CLCNKA: variants seen among roughly 807,000 people sequenced by gnomAD.
The protein encoded by CLCNKA is chloride voltage-gated channel Ka.
Under a neutral mutation model 83.3 loss-of-function variants are expected in CLCNKA, and 66 were observed. The ratio of observed to expected loss-of-function variants is 0.79; its 90% CI spans 0.65 to 0.97. The LOEUF (loss-of-function observed/expected upper bound fraction) is 0.97. CLCNKA is among the 50% of genes least tolerant of loss of function. The pLI is 0.00. For missense variants in CLCNKA, 806 were observed against 888.7 expected, an observed-to-expected ratio of 0.91 and a Z score of 1.18; for synonymous variants, 357 against 370.4, an observed-to-expected ratio of 0.96 and a Z score of 0.42.
chr1:16,029,031 G>A, intron 11 of CLCNKA, 95 bp from the exon 12 acceptor site: 1 of 1,555,464 alleles, frequency 6.4e-7, no homozygotes, highest in Non-Finnish European at 8.7e-7. Flanking sequence ...AAGTGGCAGG[G>A]GAGGATTCCA....
At chr1:16,029,042 G>C (rs2124043665) in intron 11 of CLCNKA, 84 bp from the exon 12 acceptor site, 1 of 1,559,676 alleles carries the variant, frequency 6.4e-7, no homozygotes, top group South Asian at 1.1e-5. Context: ...GAGGATTCCA[G>C]GCGGGGTCAG....
In CLCNKA at chr1:16,033,163, C is replaced by A. The variant is rs1207681431; in HGVS notation, c.1930-7C>A. ...CCTCCAGTGTTTCCTAACAATCCCC[C>A]ATCCAGGCACAAAACCTCTTTAAGC... On this transcript the variant is annotated splice_polypyrimidine_tract_variant and splice_region_variant and intron_variant, in intron 18 of 19. Transcript: ENST00000331433. 6.2e-7 allele frequency: 1 copy of A among 1,614,042 alleles called. No individual in the cohort carries two copies. The highest frequency in any genetic ancestry group is 8.5e-7 in the Non-Finnish European group (1 of 1,179,896).
At chr1:16,022,789 C>A in intron 2 of CLCNKA, 70 bp downstream of exon 2, 1 of 1,126,566 alleles carries the variant, frequency 8.9e-7, no homozygotes. Context: ...GGCTCCCACC[C>A]CACCTCTCTG....
At chr1:16,028,713 G>C (rs1385628966) in intron 10 of CLCNKA, 48 bp from the exon 11 acceptor site, 1 of 1,605,072 alleles carries the variant, frequency 6.2e-7, no homozygotes, top group South Asian at 1.1e-5. Context: ...CTCTCCTCGG[G>C]ATGTAGGAAA....
At chr1:16,029,365 G>A in intron 12 of CLCNKA, 66 bp downstream of exon 12, 3 of 1,607,584 alleles carry the variant, frequency 1.9e-6, no homozygotes, top group Non-Finnish European at 2.6e-6. Context: ...GGGCGGGGGT[G>A]CCTCCCTGCA....
At chr1:16,026,468 G>A (rs1202316078) in intron 5 of CLCNKA, 68 bp from the exon 6 acceptor site, 1 of 1,600,644 alleles carries the variant, frequency 6.2e-7, no homozygotes, top group Non-Finnish European at 8.5e-7. Flanking sequence ...GTGTGGTGGG[G>A]AAGCCGTGCT....
chr1:16,029,821 TTC>T lies in CLCNKA; in HGVS notation c.1297+23_1297+24del, dbSNP rs756161038. 16 of 1,613,846 alleles carry T rather than the reference TTC, an allele frequency of 9.9e-6. No homozygotes were observed. The African/African-American group carries it at 1.9e-4, about 19-fold the overall frequency. On this transcript the variant is annotated intron_variant, in intron 13 of 19. Coordinates refer to ENST00000331433, the MANE Select transcript of CLCNKA (RefSeq NM_004070.4). ...CCTTGGTGAGTCTGGGGTCCTGAGG[TTC>T]TGAGAGTTTTGGGGTTCTTGGGGCA...
chr1:16,028,313 G>A (rs61772363), intron 10 of CLCNKA, among the ~76,000 whole-genome samples, 194 bp downstream of exon 10: 1 of 130,042 alleles, frequency 7.7e-6, no homozygotes, highest in South Asian at 2.4e-4. Context: ...ACCCCACATT[G>A]AACCCCCATC....
intron 2 of CLCNKA, 92 bp from the exon 3 acceptor site, chr1:16,023,708 C>A: frequency 6.6e-7 from 1 of 1,506,860 alleles, no homozygotes; most frequent in Non-Finnish European, 9.2e-7. Flanking sequence ...CTACCAGGGT[C>A]CTCCCTGCCT....
intron 19 of CLCNKA, 61 bp downstream of exon 19, chr1:16,033,317 TG>T: frequency 6.5e-7 from 1 of 1,539,586 alleles, no homozygotes; most frequent in Non-Finnish European, 9.0e-7. Context: ...GCTGGGGAGA[TG>T]GGGAGGTGGG....
intron 15 of CLCNKA, among the ~76,000 whole-genome samples, chr1:16,031,407 C>G (rs1176920623): frequency 3.3e-5 from 5 of 152,118 alleles, no homozygotes; most frequent in Non-Finnish European, 5.9e-5. Flanking sequence ...CTGGCAGATA[C>G]TGGTTTTCCG....
chr1:16,025,406 C>G (rs1039382587), intron 4 of CLCNKA, among the ~76,000 whole-genome samples: 16 of 152,258 alleles, frequency 1.1e-4, no homozygotes, highest in Non-Finnish European at 2.2e-4. Flanking sequence ...GGTGCAGTGA[C>G]TCAGTCTATA....
At chr1:16,027,967 G>A (rs533672725) in intron 9 of CLCNKA, 51 bp from the exon 10 acceptor site, 18 of 1,613,994 alleles carry the variant, frequency 1.1e-5, no homozygotes, top group African/African-American at 8.0e-5. Context: ...CCTGGACTGC[G>A]GCCCCTGGTA....
rs1038058198 is a variant in CLCNKA, at chr1:16,024,804, C to T, written c.271C>T (p.Leu91Phe). The change falls in exon 4 of 20, where the codon CTC (leucine) becomes TTC (phenylalanine). Residue 91 changes from leucine (L) to phenylalanine (F), a missense_variant. Transcript: ENST00000331433. ...CAGGGAGATTGGGGACAGCCACCTG[C>T]TCCGGTATCTTTCCTGGACTGTGTA... ...LYREIGDSHL[L>F]RYLSWTVYPV... The T allele has an allele frequency of 6.2e-7, 1 of 1,614,034 alleles. No homozygotes were observed. The highest frequency in any genetic ancestry group is 8.5e-7 in the Non-Finnish European group (1 of 1,180,034).
chr1:16,032,893 C>T (rs1448127852), intron 18 of CLCNKA, among the ~76,000 whole-genome samples: 2 of 152,338 alleles, frequency 1.3e-5, no homozygotes, highest in East Asian at 1.9e-4. Context: ...GGGGCAAGGG[C>T]GGAGGCTGAC....
chr1:16,029,002 C>T (rs2022500384), intron 11 of CLCNKA, 124 bp from the exon 12 acceptor site: 2 of 1,522,392 alleles, frequency 1.3e-6, no homozygotes, highest in Non-Finnish European at 8.9e-7. Context: ...CAGAGCCCTG[C>T]CCAAGGCCCC....
intron 16 of CLCNKA, 29 bp from the exon 17 acceptor site, chr1:16,032,174 C>T (rs768563578): frequency 1.3e-6 from 2 of 1,591,988 alleles, no homozygotes; most frequent in Non-Finnish European, 1.7e-6. Flanking sequence ...CATAATGCAC[C>T]TCCCTCCCTC....
chr1:16,031,658 TG>T (rs1464800024), intron 15 of CLCNKA, 51 bp from the exon 16 acceptor site: 2 of 1,612,874 alleles, frequency 1.2e-6, no homozygotes, highest in Non-Finnish European at 1.7e-6. Flanking sequence ...CTTGCTGGCC[TG>T]GGTCTGACAT....
intron 12 of CLCNKA, 53 bp downstream of exon 12, chr1:16,029,352 G>C: frequency 6.2e-7 from 1 of 1,612,460 alleles, no homozygotes; most frequent in Non-Finnish European, 8.5e-7. Flanking sequence ...CTCTGGTGGG[G>C]AGGGGCGGGG....
Sources: gnomAD v4.1 joint callset for allele counts (sites outside exome capture counted in the v4.1 genomes callset) on GRCh38, gnomAD v4.1.1 for gene constraint, MANE v1.5 for transcripts, NCBI Gene and HGNC (gene_info 2026-07-23, HGNC 2026-07-21) for gene names.